Variants in ALLC observed in about 807,000 individuals in gnomAD.
ALLC encodes the protein probable inactive allantoicase.
ALLC carries 40 observed loss-of-function variants against 45.0 expected under a neutral mutation model. That is an observed-to-expected ratio of 0.89 (90% CI 0.69 to 1.16). ALLC has a LOEUF of 1.16. Among genes scored for constraint, ALLC ranks in the 50% most tolerant of loss-of-function variants. ALLC has a pLI of 0.00. For missense variants in ALLC, 488 were observed against 493.1 expected (o/e 0.99, Z 0.10); for synonymous variants, 176 against 178.1 (o/e 0.99, Z 0.09).
At chr2:3,671,835 A>G (rs1289969274) in intron 2 of ALLC, among the ~76,000 whole-genome samples, 2 of 138,540 alleles carry the variant, frequency 1.4e-5, no homozygotes, top group Non-Finnish European at 3.1e-5. Flanking sequence ...CTCTGGTTAG[A>G]TTGGAGGTCC....
chr2:3,654,480 C>T (rs1666399377), upstream of ALLC, among the ~76,000 whole-genome samples: 1 of 152,242 alleles, frequency 6.6e-6, no homozygotes, highest in East Asian at 1.9e-4. Context: ...GTGAGGATTG[C>T]TGGGGCCGTC....
intron 4 of ALLC, among the ~76,000 whole-genome samples, chr2:3,679,271 A>G (rs1024182733): frequency 6.6e-6 from 1 of 152,224 alleles, no homozygotes; most frequent in Non-Finnish European, 1.5e-5. Flanking sequence ...CTGGCAGTAA[A>G]TAACCAAGAA....
At chr2:3,696,008 G>A (rs1352879843) in intron 8 of ALLC, 136 bp downstream of exon 8, 2 of 1,053,092 alleles carry the variant, frequency 1.9e-6, no homozygotes, top group Non-Finnish European at 2.7e-6. Context: ...TCTTCCATGT[G>A]TAGGATTTGA....
chr2:3,693,629 C>T (rs1667579004), intron 7 of ALLC, among the ~76,000 whole-genome samples: 1 of 152,320 alleles, frequency 6.6e-6, no homozygotes, highest in African/African-American at 2.4e-5. Flanking sequence ...TGACACTTAG[C>T]ACAGCATGGG....
At chr2:3,668,161 G>C (rs1455308778) in intron 1 of ALLC, among the ~76,000 whole-genome samples, 1 of 152,218 alleles carries the variant, frequency 6.6e-6, no homozygotes, top group East Asian at 1.9e-4. Flanking sequence ...CCTGGGGGCC[G>C]TGGGGGCTGA....
At chr2:3,681,599 C>T in intron 5 of ALLC, 35 bp from the exon 6 acceptor site, 1 of 1,518,246 alleles carries the variant, frequency 6.6e-7, no homozygotes, top group Non-Finnish European at 9.0e-7. Context: ...ATTTTGAACC[C>T]TAATCTTAAT....
chr2:3,690,119 T>G (rs1394659965), intron 7 of ALLC, among the ~76,000 whole-genome samples: 4 of 148,898 alleles, frequency 2.7e-5, no homozygotes, highest in Non-Finnish European at 4.5e-5. Flanking sequence ...CAGCATATAG[T>G]TGGGCCTTGT....
chr2:3,650,196 G>A, the ALLC span, among the ~76,000 whole-genome samples: 572 of 152,318 alleles, frequency 3.8e-3, 6 homozygotes, highest in African/African-American at 0.013. Context: ...AGAGGAAGCC[G>A]GGACACCTCC....
chr2:3,661,696 T>G (rs1666581193), intron 1 of ALLC, among the ~76,000 whole-genome samples: 1 of 152,220 alleles, frequency 6.6e-6, no homozygotes, highest in Non-Finnish European at 1.5e-5. Context: ...TTCACTTTGG[T>G]GGTGACTGAT....
At chr2:3,651,720 C>G in the ALLC span, among the ~76,000 whole-genome samples, 2 of 151,928 alleles carry the variant, frequency 1.3e-5, no homozygotes, top group African/African-American at 4.8e-5. Flanking sequence ...CTCCATCGGC[C>G]GGGGAGGCGG....
At chr2:3,678,267 A>C (rs1234018532) in intron 3 of ALLC, among the ~76,000 whole-genome samples, 1 of 152,236 alleles carries the variant, frequency 6.6e-6, no homozygotes, top group Non-Finnish European at 1.5e-5. Context: ...CAAAGAAGTC[A>C]CATTTCTTTC....
chr2:3,695,134 A>C (rs1006570492), intron 7 of ALLC: 4 of 153,298 alleles, frequency 2.6e-5, no homozygotes, highest in African/African-American at 9.7e-5. Flanking sequence ...CATTATCTGT[A>C]TGGTGAATTT....
At chr2:3,649,308 C>A in the ALLC span, among the ~76,000 whole-genome samples, 1 of 149,132 alleles carries the variant, frequency 6.7e-6, no homozygotes, top group African/African-American at 2.5e-5. Flanking sequence ...GTGGTGCGAT[C>A]TCGGCTCACT....
Position 3,702,476 on chromosome 2 carries a change from C to T in ALLC, c.1089C>T (p.Leu363=). 6 of 1,612,518 alleles carry T rather than the reference C, an allele frequency of 3.7e-6. No homozygotes were observed. The highest frequency in any genetic ancestry group is 5.1e-6 in the Non-Finnish European group (6 of 1,179,690). ...VPDGGVSRLR[L]RGFPSSICLL... ...ACGGGGGAGTGAGCCGCCTTCGGCT[C>T]CGGGGCTTCCCCAGCTCCATCTGCC... The change falls in exon 12 of 12, where the codon CTC becomes CTT. Residue 363 remains leucine (L), a synonymous_variant. Transcript: ENST00000252505.
chr2:3,674,281 T>C (rs774366088), intron 3 of ALLC, among the ~76,000 whole-genome samples, 156 bp downstream of exon 3: 3 of 152,218 alleles, frequency 2.0e-5, no homozygotes, highest in Non-Finnish European at 4.4e-5. Flanking sequence ...CAAATCAGCA[T>C]GAACTCATGC....
At position 3,671,586 on chromosome 2, in the gene ALLC, T is replaced by TCTGGTTCTGGTTAGATGGGAGGTCCC. The variant is rs1558537053; in HGVS notation, c.33+400_33+401insTTCTGGTTAGATGGGAGGTCCCCTGG. Among the ~76,000 whole-genome samples the TCTGGTTCTGGTTAGATGGGAGGTCCC allele has an allele frequency of 9.9e-4, 102 of 102,968 alleles. 9 individuals are homozygous for TCTGGTTCTGGTTAGATGGGAGGTCCC. Among genetic ancestry groups the TCTGGTTCTGGTTAGATGGGAGGTCCC allele is most frequent in the Non-Finnish European group, 1.3e-3 (60 of 46,584 alleles). The allele number at this position is 102,968 out of a possible 152,430, so 67.6% of individuals were successfully genotyped here. A position where few individuals can be genotyped will look rare whatever the true frequency, so the allele number is the denominator to read the frequency against. On this transcript the variant is annotated intron_variant, in intron 2 of 11. Transcript: ENST00000252505. ...CTGGCTCTGGTTAGATGGGAGGTCC[T>TCTGGTTCTGGTTAGATGGGAGGTCCC]CTGGCTCTAGTTAGATGGGAGGTCC...
At chr2:3,651,425 GT>G in the ALLC span, among the ~76,000 whole-genome samples, 13 of 58,440 alleles carry the variant, frequency 2.2e-4, no homozygotes, top group South Asian at 8.3e-4. Flanking sequence ...GTGTGTGTGT[GT>G]GTGTGTGTGT....
chr2:3,670,619 A>G (rs1410866583), intron 1 of ALLC, among the ~76,000 whole-genome samples: 2 of 152,092 alleles, frequency 1.3e-5, no homozygotes, highest in Admixed American at 6.5e-5. Flanking sequence ...CCTGCGCGTC[A>G]GTGGACGTCT....
At chr2:3,656,756 G>C (rs569240854), upstream of ALLC, among the ~76,000 whole-genome samples, 1 of 152,254 alleles carries the variant, frequency 6.6e-6, no homozygotes, top group East Asian at 1.9e-4. Flanking sequence ...AAGCACATTA[G>C]ATTGTAGGAG....
Sources: allele counts gnomAD v4.1 joint callset (sites outside exome capture counted in the v4.1 genomes callset), GRCh38; gene constraint gnomAD v4.1.1; transcripts MANE v1.5; gene names NCBI Gene and HGNC (gene_info 2026-07-23, HGNC 2026-07-21).